The following XKR6 variants were observed in gnomAD, a reference collection of about 807,000 sequenced individuals.
XKR6 encodes XK-related protein 6.
XKR6 carries 22 observed loss-of-function variants against 56.7 expected under a neutral mutation model. The ratio of observed to expected loss-of-function variants is 0.39; its 90% CI spans 0.28 to 0.55. The LOEUF is 0.55. Ranked by LOEUF, XKR6 falls within the 20% of genes least tolerant of loss-of-function variation. The pLI is 0.66. For synonymous variants in XKR6, 524 were observed against 387.8 expected (o/e 1.35, Z -4.13); for missense variants, 852 against 889.0 (o/e 0.96, Z 0.53).
chr8:11,046,185 G>C (rs1273871687), intron 1 of XKR6, among the ~76,000 whole-genome samples: 13 of 152,098 alleles, frequency 8.5e-5, no homozygotes, highest in Admixed American at 8.5e-4. Flanking sequence ...GATTGCTTGG[G>C]GCCAGGAGTT....
At position 11,111,805 on chromosome 8, in the gene XKR6, T is replaced by C. The variant is rs930690920; in HGVS notation, c.764+88771A>G. The C allele has an allele frequency of 3.9e-5, 6 of 151,996 alleles. 1 individual carries two copies. The East Asian group carries it at 1.2e-3, about 29-fold the overall frequency. The allele number at this position is 151,996 out of a possible 1,614,324, so 9.4% of individuals were successfully genotyped here. ...AGTTACTAGATATGTGAAAACAACA[T>C]AATTTCCAGAGTTCCTAAATATGTC... On this transcript the variant is annotated intron_variant, in intron 1 of 2. Transcript: ENST00000416569.
chr8:11,196,246 A>G (rs1803881466), intron 1 of XKR6, among the ~76,000 whole-genome samples: 1 of 152,196 alleles, frequency 6.6e-6, no homozygotes, highest in Non-Finnish European at 1.5e-5. Context: ...CCTCAAGCCT[A>G]TTTAATAGAA....
intron 1 of XKR6, among the ~76,000 whole-genome samples, chr8:10,998,284 TAC>T (rs145026689): frequency 3.2e-4 from 47 of 147,656 alleles, no homozygotes; most frequent in African/African-American, 9.3e-4. Flanking sequence ...CACACACACA[TAC>T]ACACACACAC....
chr8:11,059,631 C>T (rs555561961), intron 1 of XKR6, among the ~76,000 whole-genome samples: 21 of 147,768 alleles, frequency 1.4e-4, no homozygotes, highest in Non-Finnish European at 2.4e-4. Context: ...GCGGGGGGCG[C>T]GGGGCGGGGC....
intron 1 of XKR6, among the ~76,000 whole-genome samples, chr8:11,029,215 G>C (rs529098956): frequency 6.6e-6 from 1 of 152,028 alleles, no homozygotes; most frequent in Non-Finnish European, 1.5e-5. Flanking sequence ...CTGGGCTGTT[G>C]ACCCCCAAAT....
chr8:11,004,577 C>T (rs1798323035), intron 1 of XKR6, among the ~76,000 whole-genome samples: 1 of 152,310 alleles, frequency 6.6e-6, no homozygotes, highest in South Asian at 2.1e-4. Flanking sequence ...TAGCAACTGC[C>T]TACCAGGCCA....
chr8:10,988,160 T>C (rs557163139), intron 1 of XKR6, among the ~76,000 whole-genome samples: 1 of 152,302 alleles, frequency 6.6e-6, no homozygotes. Context: ...TTTTTGCCCC[T>C]TACCCCCACT....
chr8:11,063,805 T>C (rs893087284), intron 1 of XKR6, among the ~76,000 whole-genome samples: 1 of 152,216 alleles, frequency 6.6e-6, no homozygotes, highest in Non-Finnish European at 1.5e-5. Context: ...AACTTGCACC[T>C]GGCCACAGAT....
intron 1 of XKR6, among the ~76,000 whole-genome samples, chr8:11,086,638 G>C (rs1362215052): frequency 6.6e-6 from 1 of 152,214 alleles, no homozygotes; most frequent in Non-Finnish European, 1.5e-5. Flanking sequence ...AAGATGCGGT[G>C]AGGTTAAGTG....
chr8:11,093,868 C>G (rs975748126), intron 1 of XKR6, among the ~76,000 whole-genome samples: 1 of 149,400 alleles, frequency 6.7e-6, no homozygotes, highest in Admixed American at 6.7e-5. Flanking sequence ...ACTGCAAGTT[C>G]TGCCTCCCGG....
rs775610491 is a variant in XKR6, at chr8:11,200,557, C to A, written c.764+19G>T. Reference sequence around the variant, plus strand: ...GGGCTCCTCAGGGCCGGCCCGCCCCCACCCCGCAGTGCTCTTACCTCCACA... The same window carrying A: ...GGGCTCCTCAGGGCCGGCCCGCCCCAACCCCGCAGTGCTCTTACCTCCACA... On this transcript the variant is annotated intron_variant, in intron 1 of 2. Coordinates refer to ENST00000416569, the MANE Select transcript of XKR6 (RefSeq NM_173683.4). The surrounding 1 kb of genome is among the most constrained non-coding windows in gnomAD (Gnocchi z 6.4). 50 of 1,445,094 alleles carry A rather than the reference C, an allele frequency of 3.5e-5. 1 individual carries two copies. The South Asian group carries it at 6.5e-4, about 19-fold the overall frequency. 89.5% of individuals were successfully genotyped at this position (1,445,094 alleles called of 1,614,324 possible).
At chr8:11,025,071 C>G (rs1312312828) in intron 1 of XKR6, among the ~76,000 whole-genome samples, 2 of 152,224 alleles carry the variant, frequency 1.3e-5, no homozygotes, top group Admixed American at 6.5e-5. Flanking sequence ...ATCCCCCCAT[C>G]TTTCTACGAG....
chr8:11,041,925 C>T (rs1373616154), intron 1 of XKR6, among the ~76,000 whole-genome samples: 1 of 152,138 alleles, frequency 6.6e-6, no homozygotes, highest in African/African-American at 2.4e-5. Context: ...CAAATGTAAA[C>T]CACACACATG....
intron 1 of XKR6, among the ~76,000 whole-genome samples, chr8:11,121,174 A>G (rs984398420): frequency 3.9e-5 from 6 of 152,236 alleles, no homozygotes; most frequent in Non-Finnish European, 8.8e-5. Flanking sequence ...AACAAAAGCC[A>G]AAATTGACAA....
At chr8:11,144,336 G>C (rs896385745) in intron 1 of XKR6, among the ~76,000 whole-genome samples, 1 of 150,322 alleles carries the variant, frequency 6.7e-6, no homozygotes, top group Non-Finnish European at 1.5e-5. Context: ...TATAACCCCA[G>C]AAGGAAAGAC....
At chr8:11,120,259 G>C (rs887749289) in intron 1 of XKR6, among the ~76,000 whole-genome samples, 36 of 152,314 alleles carry the variant, frequency 2.4e-4, no homozygotes, top group Non-Finnish European at 4.3e-4. Context: ...CCTGTTTGCA[G>C]ATGACATGAT....
intron 1 of XKR6, chr8:11,137,113 CCTCT>C (rs753072836): frequency 1.9e-5 from 3 of 155,092 alleles, no homozygotes; most frequent in Non-Finnish European, 4.3e-5. Context: ...TCACCACCTC[CCTCT>C]CTGATGTTTC....
rs116768920 is a variant in XKR6, at chr8:11,043,200, C to T, written c.765-118370G>A. Among the ~76,000 whole-genome samples the T allele has an allele frequency of 3.2e-3, 476 of 151,098 alleles. 1 individual carries two copies. The highest frequency in any genetic ancestry group is 0.011 in the African/African-American group (433 of 41,118). ...TATCATAAATAATATATGCCCAATG[C>T]GTCTTTACTGAAGAGGAAGAGAAAA... On this transcript the variant is annotated intron_variant, in intron 1 of 2. Transcript: ENST00000416569.
chr8:11,147,943 C>T (rs767276327), intron 1 of XKR6, among the ~76,000 whole-genome samples: 8 of 152,098 alleles, frequency 5.3e-5, no homozygotes, highest in Non-Finnish European at 1.2e-4. Context: ...GGTGCAGTGG[C>T]TTACACCTGT....
Sources: gnomAD v4.1 joint callset for allele counts (sites outside exome capture counted in the v4.1 genomes callset) on GRCh38, gnomAD v4.1.1 for gene constraint, Gnocchi (gnomAD v3.1) non-coding constraint, MANE v1.5 for transcripts, NCBI Gene and HGNC (gene_info 2026-07-23, HGNC 2026-07-21) for gene names.